The following ERG variants were observed in gnomAD, a reference collection of about 807,000 sequenced individuals.
ERG encodes the protein transcriptional regulator ERG.
A neutral mutation model predicts 55.3 loss-of-function variants in ERG; 9 were observed. The ratio of observed to expected loss-of-function variants is 0.16; its 90% CI spans 0.10 to 0.28. The LOEUF is 0.28. Ranked by LOEUF, ERG falls within the 10% of genes least tolerant of loss-of-function variation. The pLI is 1.00. For missense variants in ERG, 434 were observed against 631.6 expected (o/e 0.69, Z 3.35); for synonymous variants, 223 against 237.3 (o/e 0.94, Z 0.55).
chr21:38,462,235 G>T (rs1335127524), intron 1 of ERG, among the ~76,000 whole-genome samples: 1 of 152,064 alleles, frequency 6.6e-6, no homozygotes, highest in East Asian at 1.9e-4. Flanking sequence ...TGCCTGCTTT[G>T]GCCTCCCAAA....
chr21:38,630,341 G>C (rs1321182873), intron 1 of ERG, among the ~76,000 whole-genome samples: 1 of 152,126 alleles, frequency 6.6e-6, no homozygotes, highest in Admixed American at 6.5e-5. Flanking sequence ...GATAGGCCTG[G>C]TATGATTATC....
chr21:38,487,380 G>A (rs1006689615), intron 1 of ERG, among the ~76,000 whole-genome samples: 9 of 152,082 alleles, frequency 5.9e-5, no homozygotes, highest in South Asian at 2.1e-4. Context: ...GAAAAAGAAC[G>A]AAGTTTTTAT....
chr21:38,502,732 CTTTTTT>C (rs547835308), upstream of ERG: 1 of 138,208 alleles, frequency 7.2e-6, no homozygotes, highest in East Asian at 2.0e-4. Flanking sequence ...GTTAAATAAC[CTTTTTT>C]TTTTTTTTTT....
At chr21:38,606,232 T>C (rs1021233903) in intron 1 of ERG, among the ~76,000 whole-genome samples, 1 of 152,080 alleles carries the variant, frequency 6.6e-6, no homozygotes. Flanking sequence ...GATAGGCAGA[T>C]AGATAATTGA....
At chr21:38,385,927 T>C (rs1290339739) in intron 9 of ERG, among the ~76,000 whole-genome samples, 1 of 152,218 alleles carries the variant, frequency 6.6e-6, no homozygotes, top group Non-Finnish European at 1.5e-5. Context: ...ATACGGTTGT[T>C]TGAAAATAAA....
intron 9 of ERG, among the ~76,000 whole-genome samples, chr21:38,388,276 A>G (rs1987800073): frequency 1.3e-5 from 2 of 152,232 alleles, no homozygotes; most frequent in South Asian, 2.1e-4. Context: ...TGTTGCTTAT[A>G]ACCGATCCAT....
chr21:38,548,991 T>C (rs948398561), intron 2 of ERG, among the ~76,000 whole-genome samples: 2 of 151,492 alleles, frequency 1.3e-5, no homozygotes, highest in African/African-American at 4.9e-5. Flanking sequence ...TGGGCGCCTG[T>C]AGTCCCAGCT....
upstream of ERG, among the ~76,000 whole-genome samples, chr21:38,586,577 G>A (rs2060066657): frequency 6.6e-6 from 1 of 152,084 alleles, no homozygotes; most frequent in South Asian, 2.1e-4. Flanking sequence ...AGTGTTGGTG[G>A]GGATGTGGAA....
intron 1 of ERG, among the ~76,000 whole-genome samples, chr21:38,495,914 C>A (rs1302974523): frequency 6.6e-6 from 1 of 152,146 alleles, no homozygotes; most frequent in African/African-American, 2.4e-5. Context: ...GTCACCAATG[C>A]CCAAGGGAAG....
intron 1 of ERG, among the ~76,000 whole-genome samples, chr21:38,642,468 C>CTGCCCCTGCCAA (rs6147506): frequency 6.6e-6 from 1 of 151,616 alleles, no homozygotes; most frequent in African/African-American, 2.4e-5. Context: ...ACACCCCACC[C>CTGCCCCTGCCAA]TAAATCCATA....
At chr21:38,461,221 C>T (rs1432237350) in intron 1 of ERG, among the ~76,000 whole-genome samples, 1 of 152,140 alleles carries the variant, frequency 6.6e-6, no homozygotes, top group Non-Finnish European at 1.5e-5. Flanking sequence ...CCCTCCTTAG[C>T]TTGTGGATGG....
intron 1 of ERG, among the ~76,000 whole-genome samples, chr21:38,644,709 G>GA (rs77168904): frequency 0.064 from 9,677 of 152,116 alleles, 540 homozygotes; most frequent in Admixed American, 0.19. Flanking sequence ...TATTTTGGGG[G>GA]AAAAAATTGC....
At chr21:38,528,433 C>CTTTTTTTT (rs869069278) in intron 2 of ERG, among the ~76,000 whole-genome samples, 258 of 23,504 alleles carry the variant, frequency 0.011, 93 homozygotes, top group African/African-American at 0.014. Flanking sequence ...CCATAGCAAA[C>CTTTTTTTT]TTTTTTTTTT....
At chr21:38,461,191 G>T (rs1042631369) in intron 1 of ERG, among the ~76,000 whole-genome samples, 35 of 152,152 alleles carry the variant, frequency 2.3e-4, no homozygotes, top group Non-Finnish European at 4.4e-5. Context: ...TAGCAGCGGG[G>T]TTGATTCCTC....
intron 2 of ERG, among the ~76,000 whole-genome samples, chr21:38,566,575 C>G (rs1418081787): frequency 6.6e-6 from 1 of 152,064 alleles, no homozygotes; most frequent in Non-Finnish European, 1.5e-5. Flanking sequence ...TCTATGACAC[C>G]AAATAGTGGA....
rs463166 is a variant in ERG, at chr21:38,635,650, C to A, written c.-150+26008G>T. Among the ~76,000 whole-genome samples the A allele has an allele frequency of 0.019, 2,867 of 152,212 alleles. 192 individuals carry two copies. In the East Asian group the frequency reaches 0.24, roughly 13 times the overall value. The stretch of plus-strand genomic sequence containing the variant: ...GATTCAATGTGATATTTTTAAAGCA[C>A]AATTATTGAGCATAAAATACAATCT... On this transcript the variant is annotated intron_variant, in intron 1 of 10. Coordinates refer to the ERG transcript ENST00000398910.
In ERG at chr21:38,391,046, C is replaced by G. The variant is rs558714967; in HGVS notation, c.872-4G>C. The G allele has an allele frequency of 2.5e-6, 4 of 1,612,320 alleles. No individual in the cohort carries two copies. Among genetic ancestry groups the G allele is most frequent in the Admixed American group, 3.3e-5 (2 of 59,812 alleles). On this transcript the variant is annotated splice_region_variant and splice_polypyrimidine_tract_variant and intron_variant, in intron 8 of 9. Transcript: ENST00000288319. Reference sequence around the variant, plus strand: ...GGTCCAAGAATCTGATAAGGATCTACAGCAAAAAGAAACAAAGTCAAATCC... The same window carrying G: ...GGTCCAAGAATCTGATAAGGATCTAGAGCAAAAAGAAACAAAGTCAAATCC...
chr21:38,416,128 G>C (rs914240039), intron 3 of ERG, among the ~76,000 whole-genome samples: 2 of 152,204 alleles, frequency 1.3e-5, no homozygotes, highest in Admixed American at 1.3e-4. Flanking sequence ...AACACTCTGA[G>C]AACTCAAGAT....
chr21:38,614,512 C>T (rs370176058), intron 1 of ERG, among the ~76,000 whole-genome samples: 4 of 152,268 alleles, frequency 2.6e-5, no homozygotes, highest in African/African-American at 7.2e-5. Flanking sequence ...CAGATGAAAC[C>T]ACCTGCAAAG....
Sources: allele counts gnomAD v4.1 joint callset (sites outside exome capture counted in the v4.1 genomes callset), GRCh38; gene constraint gnomAD v4.1.1; transcripts MANE v1.5; gene names NCBI Gene and HGNC (gene_info 2026-07-23, HGNC 2026-07-21).